PRKN: variants seen among roughly 807,000 people sequenced by gnomAD.
The protein encoded by PRKN is E3 ubiquitin-protein ligase parkin.
In PRKN, 56 loss-of-function variants were observed where a neutral mutation model predicts 59.5. That is an observed-to-expected ratio of 0.94 (90% CI 0.76 to 1.18). The LOEUF (loss-of-function observed/expected upper bound fraction) is 1.18, where lower values mean the gene tolerates loss of function less well. Ranked by LOEUF, PRKN falls within the 50% of genes most tolerant of loss-of-function variation. The pLI is 0.00. For missense variants in PRKN, 657 were observed against 596.4 expected (o/e 1.10, Z -1.06); for synonymous variants, 250 against 222.1 (o/e 1.13, Z -1.12).
chr6:162,491,437 C>G (rs7758619), intron 1 of PRKN, among the ~76,000 whole-genome samples: 1 of 152,034 alleles, frequency 6.6e-6, no homozygotes, highest in South Asian at 2.1e-4. Flanking sequence ...GGTGACGCAC[C>G]AGGTGTGCGT....
chr6:162,544,062 G>A (rs780310239), intron 1 of PRKN, among the ~76,000 whole-genome samples: 7 of 151,918 alleles, frequency 4.6e-5, no homozygotes, highest in Admixed American at 1.3e-4. Flanking sequence ...TCTCCTTTTC[G>A]GATTTGTACC....
At chr6:162,532,304 C>T (rs904642067) in intron 1 of PRKN, among the ~76,000 whole-genome samples, 4 of 152,216 alleles carry the variant, frequency 2.6e-5, no homozygotes, top group South Asian at 2.1e-4. Context: ...TGCACGCACA[C>T]AAGCATATTC....
chr6:162,393,068 T>G (rs1217224986), intron 2 of PRKN, among the ~76,000 whole-genome samples: 2 of 151,844 alleles, frequency 1.3e-5, no homozygotes, highest in African/African-American at 4.8e-5. Flanking sequence ...CTGGCTCCAG[T>G]AATTGGGTGA....
chr6:161,781,077 T>C (rs1038125681), intron 7 of PRKN, among the ~76,000 whole-genome samples: 10 of 152,190 alleles, frequency 6.6e-5, no homozygotes, highest in African/African-American at 1.9e-4. Flanking sequence ...AACCATGCCA[T>C]GTGGAAGACT....
intron 2 of PRKN, among the ~76,000 whole-genome samples, chr6:162,364,081 G>A (rs1014433802): frequency 1.3e-5 from 2 of 152,164 alleles, no homozygotes; most frequent in Non-Finnish European, 2.9e-5. Flanking sequence ...CAAGACTCAC[G>A]TCTTCCACCA....
At chr6:161,380,001 C>T (rs1785897959) in intron 10 of PRKN, among the ~76,000 whole-genome samples, 1 of 152,202 alleles carries the variant, frequency 6.6e-6, no homozygotes, top group Non-Finnish European at 1.5e-5. Flanking sequence ...CCCTAAATCC[C>T]AAGCTCCTGC....
intron 1 of PRKN, among the ~76,000 whole-genome samples, chr6:162,584,250 A>AC (rs1157572060): frequency 6.5e-4 from 72 of 111,386 alleles, no homozygotes; most frequent in South Asian, 2.3e-3. Context: ...AAAAAACAAA[A>AC]AAAAAAAAAA....
intron 5 of PRKN, among the ~76,000 whole-genome samples, chr6:162,003,465 G>A (rs1003445551): frequency 6.6e-6 from 1 of 152,140 alleles, no homozygotes; most frequent in South Asian, 2.1e-4. Flanking sequence ...ACTTGGCTGA[G>A]CCCCATAGCC....
At chr6:162,084,347 A>G (rs1014967909) in intron 4 of PRKN, among the ~76,000 whole-genome samples, 1 of 152,162 alleles carries the variant, frequency 6.6e-6, no homozygotes, top group African/African-American at 2.4e-5. Context: ...AGCTCCGTGG[A>G]GTCAACATCT....
intron 7 of PRKN, among the ~76,000 whole-genome samples, chr6:161,747,900 T>C (rs544147663): frequency 1.9e-4 from 29 of 152,350 alleles, no homozygotes; most frequent in Admixed American, 5.2e-4. Context: ...TTCTTGAAAG[T>C]GATGAACATC....
In PRKN at chr6:162,109,827, T is replaced by G. The variant is rs145835488; in HGVS notation, c.535-55653A>C. Reference sequence around the variant, plus strand: ...TCAGCTGTTTATGAGTCAAACTGTTTCCTGGTACTGTTGCTGTAGGTGTAT... The same window carrying G: ...TCAGCTGTTTATGAGTCAAACTGTTGCCTGGTACTGTTGCTGTAGGTGTAT... On this transcript the variant is annotated intron_variant, in intron 4 of 11. Coordinates refer to ENST00000366898, the MANE Select transcript of PRKN (RefSeq NM_004562.3). 1.2e-4 allele frequency among the ~76,000 whole-genome samples: 18 copies of G among 152,338 alleles called. No individual in the cohort carries two copies. In the East Asian group the frequency reaches 3.5e-3, roughly 29 times the overall value.
intron 6 of PRKN, among the ~76,000 whole-genome samples, chr6:161,882,345 C>A (rs979467312): frequency 6.6e-6 from 1 of 152,004 alleles, no homozygotes; most frequent in Admixed American, 6.5e-5. Context: ...GGGGGCGGGG[C>A]GGGGGCGTGC....
In PRKN at chr6:161,456,822, A is replaced by G. The variant is rs1025638076; in HGVS notation, c.1084-69945T>C. ...TCCTCTTCCACCCACATGCCCAGAGAGCTCAGGGCTTCCTCAGGAGAAGAG... is the reference window on the plus strand; with the variant it reads ...TCCTCTTCCACCCACATGCCCAGAGGGCTCAGGGCTTCCTCAGGAGAAGAG... On this transcript the variant is annotated intron_variant, in intron 9 of 11. Coordinates refer to ENST00000366898, the MANE Select transcript of PRKN (RefSeq NM_004562.3). This position sits in a 1 kb window ranked among gnomAD's most constrained non-coding sequence, Gnocchi z 4.8. Among the ~76,000 whole-genome samples, 2 of 152,002 alleles carry G rather than the reference A, an allele frequency of 1.3e-5. No homozygotes were observed. Among genetic ancestry groups the G allele is most frequent in the Non-Finnish European group, 2.9e-5 (2 of 68,002 alleles).
chr6:162,618,654 G>C (rs1782529002), intron 1 of PRKN, among the ~76,000 whole-genome samples: 1 of 152,140 alleles, frequency 6.6e-6, no homozygotes, highest in African/African-American at 2.4e-5. Context: ...CAGAGCTTTA[G>C]CTACAGCATA....
intron 2 of PRKN, among the ~76,000 whole-genome samples, chr6:162,363,245 T>A (rs1309257913): frequency 6.6e-6 from 1 of 152,148 alleles, no homozygotes; most frequent in Non-Finnish European, 1.5e-5. Flanking sequence ...TGTATTAGTG[T>A]TCTGCAGAGG....
intron 1 of PRKN, among the ~76,000 whole-genome samples, chr6:162,508,321 A>G (rs1793695710): frequency 6.6e-6 from 1 of 152,160 alleles, no homozygotes; most frequent in African/African-American, 2.4e-5. Context: ...TCAAGATGAG[A>G]TTTGGGTGGG....
At chr6:161,380,210 A>G (rs1315880722) in intron 10 of PRKN, among the ~76,000 whole-genome samples, 2 of 152,158 alleles carry the variant, frequency 1.3e-5, no homozygotes, top group East Asian at 3.9e-4. Flanking sequence ...TGAAGAGCTC[A>G]TCCCTGTAGG....
At position 161,885,491 on chromosome 6, in the gene PRKN, C is replaced by T. The variant is rs954548974; in HGVS notation, c.734+87811G>A. Among the ~76,000 whole-genome samples, 27 of 152,080 alleles carry T rather than the reference C, an allele frequency of 1.8e-4. No homozygotes were observed. The South Asian group carries it at 2.9e-3, about 16-fold the overall frequency. ...CATCCTGGCTAACACAGTGAAACCC[C>T]GTCTCTACTAAAAATACAAAAAAAT... is the stretch of plus-strand genomic sequence containing the variant. On this transcript the variant is annotated intron_variant, in intron 6 of 11. Transcript: ENST00000366898.
intron 1 of PRKN, among the ~76,000 whole-genome samples, chr6:162,457,640 A>G (rs1018009560): frequency 6.6e-6 from 1 of 152,002 alleles, no homozygotes; most frequent in Non-Finnish European, 1.5e-5. Flanking sequence ...CCCAAACTTA[A>G]GAGTCAGGCG....
Sources: allele counts gnomAD v4.1 joint callset (sites outside exome capture counted in the v4.1 genomes callset), GRCh38; gene constraint gnomAD v4.1.1; non-coding constraint Gnocchi (gnomAD v3.1); transcripts MANE v1.5; gene names NCBI Gene and HGNC (gene_info 2026-07-23, HGNC 2026-07-21).